Variants in KCNK13 observed in about 807,000 individuals in gnomAD.
The protein encoded by KCNK13 is potassium channel subfamily K member 13.
In KCNK13, 12 loss-of-function variants were observed where a neutral mutation model predicts 23.4. That is an observed-to-expected ratio of 0.51 (90% CI 0.33 to 0.83). The LOEUF (loss-of-function observed/expected upper bound fraction) is 0.83, where lower values mean the gene tolerates loss of function less well. KCNK13 is among the 40% of genes least tolerant of loss of function. The pLI is 0.02. For synonymous variants in KCNK13, 231 were observed against 229.5 expected, an observed-to-expected ratio of 1.01 and a Z score of -0.06; for missense variants, 463 against 556.3, an observed-to-expected ratio of 0.83 and a Z score of 1.69.
chr14:90,122,073 T>C (rs1889745735), intron 1 of KCNK13, among the ~76,000 whole-genome samples: 2 of 152,138 alleles, frequency 1.3e-5, no homozygotes, highest in Non-Finnish European at 2.9e-5. Flanking sequence ...ACTGCCATCA[T>C]GTAAACGTTT....
In KCNK13 at chr14:90,184,661, C is replaced by T. The variant is rs115713894; in HGVS notation, c.885C>T (p.Asp295=). The T allele has an allele frequency of 7.6e-4, 1,219 of 1,614,252 alleles. 13 individuals are homozygous for T. Among genetic ancestry groups the T allele is most frequent in the East Asian group, 4.7e-3 (213 of 44,880 alleles). Reference sequence around the variant, plus strand: ...TGAACTGGATCCTGAGGAAAATGGACAGCGGGTGCTGCCCGCAATGCCAGA... The same window carrying T: ...TGAACTGGATCCTGAGGAAAATGGATAGCGGGTGCTGCCCGCAATGCCAGA... ...QSLNWILRKM[D]SGCCPQCQRG... The change falls in exon 2 of 2, where the codon GAC becomes GAT. Residue 295 remains aspartate (D), a synonymous_variant. Transcript: ENST00000282146. This position sits in a 1 kb window ranked among gnomAD's most constrained non-coding sequence, Gnocchi z 5.6.
intron 1 of KCNK13, among the ~76,000 whole-genome samples, chr14:90,130,533 C>T (rs1484999289): frequency 1.3e-5 from 2 of 151,700 alleles, no homozygotes; most frequent in Non-Finnish European, 2.9e-5. Context: ...GGAGTGTTGG[C>T]CGGGCACAGT....
At position 90,179,860 on chromosome 14, in the gene KCNK13, A is replaced by G. The variant is rs117897065; in HGVS notation, c.335-4251A>G. On this transcript the variant is annotated intron_variant, in intron 1 of 1. Coordinates refer to ENST00000282146, the MANE Select transcript of KCNK13 (RefSeq NM_022054.4). ...AAGAGACATATATACATTCAGAAAT[A>G]TGTTTTATATGTTTTGGTACATGAA... 8.5e-3 allele frequency among the ~76,000 whole-genome samples: 1,301 copies of G among 152,330 alleles called. 7 individuals carry two copies. Among genetic ancestry groups the G allele is most frequent in the Middle Eastern group, 0.024 (7 of 294 alleles).
Position 90,176,803 on chromosome 14 carries a change from C to T in KCNK13, c.335-7308C>T, listed in dbSNP as rs1333588111. ...TTGGGAGGCCGAGGCAGGTGGATCACGAGGTCAAGAGATCAAGACCATCCT... is the reference window on the plus strand; with the variant it reads ...TTGGGAGGCCGAGGCAGGTGGATCATGAGGTCAAGAGATCAAGACCATCCT... On this transcript the variant is annotated intron_variant, in intron 1 of 1. Transcript: ENST00000282146. 5.9e-5 allele frequency among the ~76,000 whole-genome samples: 9 copies of T among 152,210 alleles called. No individual in the cohort carries two copies. The East Asian group carries it at 7.7e-4, about 13-fold the overall frequency.
chr14:90,132,516 C>A (rs3897734), intron 1 of KCNK13, among the ~76,000 whole-genome samples: 5 of 149,616 alleles, frequency 3.3e-5, no homozygotes. Flanking sequence ...TGCACTCCAG[C>A]CTGGGCAACA....
intron 1 of KCNK13, among the ~76,000 whole-genome samples, chr14:90,152,493 C>T (rs541254439): frequency 6.6e-6 from 1 of 152,240 alleles, no homozygotes; most frequent in African/African-American, 2.4e-5. Flanking sequence ...CGAGATCGCG[C>T]CATTGCACTG....
chr14:90,138,650 G>C (rs1225081049), intron 1 of KCNK13, among the ~76,000 whole-genome samples: 1 of 152,222 alleles, frequency 6.6e-6, no homozygotes, highest in Non-Finnish European at 1.5e-5. Context: ...AATGGGGCTT[G>C]ACATAGGATC....
intron 1 of KCNK13, among the ~76,000 whole-genome samples, chr14:90,094,508 A>G (rs904182557): frequency 3.3e-5 from 5 of 152,204 alleles, no homozygotes; most frequent in African/African-American, 1.2e-4. Flanking sequence ...CCTAGCTCAC[A>G]TCAACTCAAG....
chr14:90,087,154 A>ATATATT (rs1282261147), intron 1 of KCNK13, among the ~76,000 whole-genome samples: 22 of 107,620 alleles, frequency 2.0e-4, no homozygotes, highest in Middle Eastern at 5.7e-3. Context: ...ATATATATAT[A>ATATATT]TTTTTTTTTT....
intron 1 of KCNK13, among the ~76,000 whole-genome samples, chr14:90,175,971 C>G (rs1428100259): frequency 6.6e-6 from 1 of 152,164 alleles, no homozygotes; most frequent in African/African-American, 2.4e-5. Context: ...AAGCTTCTGA[C>G]AGCCTAAGCC....
intron 1 of KCNK13, among the ~76,000 whole-genome samples, chr14:90,116,510 A>G (rs1209194491): frequency 2.0e-5 from 3 of 152,162 alleles, no homozygotes; most frequent in Non-Finnish European, 2.9e-5. Flanking sequence ...ATCAGGGGAC[A>G]ATGAGGGCTG....
At chr14:90,107,975 C>CAGA in intron 1 of KCNK13, 1 of 722,904 alleles carries the variant, frequency 1.4e-6, no homozygotes, top group South Asian at 1.4e-5. Flanking sequence ...GCGGCTAAAG[C>CAGA]AGATTGGAGT....
At chr14:90,163,196 A>G (rs1254233588) in intron 1 of KCNK13, among the ~76,000 whole-genome samples, 8 of 152,256 alleles carry the variant, frequency 5.3e-5, no homozygotes, top group African/African-American at 1.9e-4. Context: ...GAAATGATGA[A>G]CACAAATGGC....
intron 1 of KCNK13, among the ~76,000 whole-genome samples, chr14:90,136,434 A>G (rs188482147): frequency 6.6e-6 from 1 of 152,152 alleles, no homozygotes; most frequent in Admixed American, 6.6e-5. Flanking sequence ...CTCCTTTAAT[A>G]AGGACCCCAA....
chr14:90,082,171 C>T (rs1364278867), intron 1 of KCNK13, among the ~76,000 whole-genome samples: 1 of 152,186 alleles, frequency 6.6e-6, no homozygotes, highest in Non-Finnish European at 1.5e-5. Flanking sequence ...AAGTGATTCT[C>T]CTGCCTCAGC....
chr14:90,119,681 G>A (rs977871716), intron 1 of KCNK13, among the ~76,000 whole-genome samples: 3 of 152,028 alleles, frequency 2.0e-5, no homozygotes, highest in African/African-American at 7.2e-5. Context: ...CTCACTGCAA[G>A]CTCCGCCTCC....
intron 1 of KCNK13, among the ~76,000 whole-genome samples, chr14:90,121,766 C>T (rs1889741827): frequency 6.6e-6 from 1 of 152,132 alleles, no homozygotes; most frequent in Non-Finnish European, 1.5e-5. Flanking sequence ...GTCGCCAAGG[C>T]TGGAGTACAG....
At chr14:90,135,780 G>A (rs1944398673) in intron 1 of KCNK13, among the ~76,000 whole-genome samples, 1 of 152,150 alleles carries the variant, frequency 6.6e-6, no homozygotes, top group Admixed American at 6.5e-5. Flanking sequence ...ATTTCTGGTT[G>A]AGTGTAGGGA....
chr14:90,104,013 T>C (rs1889513680), intron 1 of KCNK13, among the ~76,000 whole-genome samples: 1 of 152,140 alleles, frequency 6.6e-6, no homozygotes, highest in African/African-American at 2.4e-5. Flanking sequence ...ATAAGATCAG[T>C]CTCTAGGCTT....
Sources: gnomAD v4.1 joint callset for allele counts (sites outside exome capture counted in the v4.1 genomes callset) on GRCh38, gnomAD v4.1.1 for gene constraint, Gnocchi (gnomAD v3.1) non-coding constraint, MANE v1.5 for transcripts, NCBI Gene and HGNC (gene_info 2026-07-23, HGNC 2026-07-21) for gene names.